The following PALLD variants were observed in gnomAD, a reference collection of about 807,000 sequenced individuals.
The protein encoded by PALLD is palladin.
PALLD carries 61 observed loss-of-function variants against 123.5 expected under a neutral mutation model. The ratio of observed to expected loss-of-function variants is 0.49; its 90% confidence interval spans 0.40 to 0.61. PALLD has a LOEUF of 0.61. Ranked by LOEUF, PALLD falls within the 20% of genes least tolerant of loss-of-function variation. The pLI is 0.00. For missense variants in PALLD, 1,273 were observed against 1,377.0 expected, an observed-to-expected ratio of 0.92 and a Z score of 1.20; for synonymous variants, 465 against 496.4, an observed-to-expected ratio of 0.94 and a Z score of 0.84.
chr4:168,756,709 A>G (rs2150411235), intron 10 of PALLD, among the ~76,000 whole-genome samples: 1 of 152,306 alleles, frequency 6.6e-6, no homozygotes, highest in South Asian at 2.1e-4. Flanking sequence ...GTGTGTTTAT[A>G]CATTTCCATA....
At chr4:168,821,099 C>A (rs1233699655) in intron 10 of PALLD, among the ~76,000 whole-genome samples, 1 of 152,132 alleles carries the variant, frequency 6.6e-6, no homozygotes, top group Non-Finnish European at 1.5e-5. Flanking sequence ...TAAAGATATG[C>A]CCAGAGTAAT....
At chr4:168,673,090 C>T (rs544397742) in intron 3 of PALLD, among the ~76,000 whole-genome samples, 55 of 152,266 alleles carry the variant, frequency 3.6e-4, no homozygotes, top group African/African-American at 1.3e-3. Flanking sequence ...GAGCACTTTT[C>T]GGTCATTCTC....
intron 10 of PALLD, among the ~76,000 whole-genome samples, chr4:168,721,039 A>C (rs1461571164): frequency 6.6e-6 from 1 of 152,170 alleles, no homozygotes; most frequent in East Asian, 1.9e-4. Flanking sequence ...TTTTATGATT[A>C]GGAGTTTTAT....
chr4:168,749,671 T>C (rs922523036), intron 10 of PALLD, among the ~76,000 whole-genome samples: 5 of 152,094 alleles, frequency 3.3e-5, no homozygotes, highest in Non-Finnish European at 5.9e-5. Flanking sequence ...GCCATTTCAC[T>C]CCAGCCTGGG....
intron 10 of PALLD, among the ~76,000 whole-genome samples, chr4:168,848,563 G>C (rs1453553965): frequency 4.6e-5 from 7 of 152,128 alleles, no homozygotes; most frequent in Non-Finnish European, 8.8e-5. Context: ...TACATGAAGG[G>C]AGACACTATT....
intron 2 of PALLD, among the ~76,000 whole-genome samples, chr4:168,651,787 G>T (rs1778070443): frequency 6.6e-6 from 1 of 152,154 alleles, no homozygotes; most frequent in Admixed American, 6.5e-5. Flanking sequence ...GAAGAAAAAT[G>T]AGAGGTTATA....
At chr4:168,743,098 C>T (rs1379349092) in intron 10 of PALLD, among the ~76,000 whole-genome samples, 3 of 152,156 alleles carry the variant, frequency 2.0e-5, no homozygotes, top group Non-Finnish European at 4.4e-5. Flanking sequence ...ATTTCTACTG[C>T]GTGATAACTC....
chr4:168,524,707 G>C lies in PALLD; in HGVS notation c.908+12295G>C, dbSNP rs78997365. Among the ~76,000 whole-genome samples the C allele has an allele frequency of 4.1e-3, 620 of 152,280 alleles. 2 individuals carry two copies. Among genetic ancestry groups the C allele is most frequent in the African/African-American group, 0.014 (585 of 41,558 alleles). ...GAAACACCACCACAGATAGTGAGCA[G>C]TTCTCTAAAAGCAAACCTCATGAAT... On this transcript the variant is annotated intron_variant, in intron 2 of 21. Transcript: ENST00000505667.
chr4:168,796,039 G>C (rs1290956752), intron 10 of PALLD, among the ~76,000 whole-genome samples: 1 of 152,106 alleles, frequency 6.6e-6, no homozygotes, highest in Non-Finnish European at 1.5e-5. Flanking sequence ...TTTATCCTTT[G>C]TGTTACAAAC....
At chr4:168,866,938 CCCAAATCAGAAAGGTCCTCTGT>C (rs1447334688) in intron 10 of PALLD, among the ~76,000 whole-genome samples, 1 of 152,096 alleles carries the variant, frequency 6.6e-6, no homozygotes, top group African/African-American at 2.4e-5. Flanking sequence ...TTGAGTGGAG[CCCAAATCAGAAAGGTCCTCTGT>C]GTCTGAGGAA....
rs116527930 is a variant in PALLD, at chr4:168,639,167, A to G, written c.909-29023A>G. Reference sequence around the variant, plus strand: ...TTAGCATGTTAAAGACAGCCTCTATATTACTTATGAATATCACAGAATGTG... The same window carrying G: ...TTAGCATGTTAAAGACAGCCTCTATGTTACTTATGAATATCACAGAATGTG... On this transcript the variant is annotated intron_variant, in intron 2 of 21. Transcript: ENST00000505667. Among the ~76,000 whole-genome samples, 1,352 of 152,334 alleles carry G rather than the reference A, an allele frequency of 8.9e-3. 12 individuals carry two copies. Among genetic ancestry groups the G allele is most frequent in the Non-Finnish European group, 0.012 (826 of 68,034 alleles).
chr4:168,592,363 G>A (rs770641570), intron 2 of PALLD, among the ~76,000 whole-genome samples: 1 of 152,060 alleles, frequency 6.6e-6, no homozygotes, highest in Non-Finnish European at 1.5e-5. Flanking sequence ...TCATGAGGAA[G>A]AGTCCCAACT....
At chr4:168,597,136 C>T (rs554540854) in intron 2 of PALLD, among the ~76,000 whole-genome samples, 3 of 151,930 alleles carry the variant, frequency 2.0e-5, no homozygotes, top group African/African-American at 7.2e-5. Context: ...ACAACTCTGG[C>T]AAAGATAATG....
intron 10 of PALLD, among the ~76,000 whole-genome samples, chr4:168,782,583 A>G (rs1324734129): frequency 6.6e-6 from 1 of 152,122 alleles, no homozygotes; most frequent in African/African-American, 2.4e-5. Flanking sequence ...TAGACAATGC[A>G]TACAAGAATG....
intron 10 of PALLD, among the ~76,000 whole-genome samples, chr4:168,807,655 C>T (rs1420181565): frequency 6.6e-6 from 1 of 150,564 alleles, no homozygotes; most frequent in Non-Finnish European, 1.5e-5. Context: ...GTGATCCGCC[C>T]ACCTTGGCCT....
At chr4:168,867,920 G>GA (rs953068622) in intron 10 of PALLD, among the ~76,000 whole-genome samples, 13 of 147,322 alleles carry the variant, frequency 8.8e-5, no homozygotes, top group African/African-American at 2.2e-4. Flanking sequence ...AAAAAAAAAA[G>GA]AAAAAAAAAA....
Position 168,590,159 on chromosome 4 carries a change from G to A in PALLD, c.908+77747G>A, listed in dbSNP as rs147481766. Among the ~76,000 whole-genome samples, 734 of 152,310 alleles carry A rather than the reference G, an allele frequency of 4.8e-3. 3 individuals carry two copies. The highest frequency in any genetic ancestry group is 0.015 in the African/African-American group (641 of 41,582). ...TTGAGACCAGCCTGGCCAACATGGC[G>A]AAACCCCGTCTCTACTAAGCATACA... On this transcript the variant is annotated intron_variant, in intron 2 of 21. Coordinates refer to ENST00000505667, the MANE Select transcript of PALLD (RefSeq NM_001166108.2).
intron 3 of PALLD, among the ~76,000 whole-genome samples, chr4:168,671,747 A>G (rs1333798710): frequency 6.6e-6 from 1 of 152,108 alleles, no homozygotes. Flanking sequence ...AAATTTTTAT[A>G]TTTTACTTAT....
intron 10 of PALLD, among the ~76,000 whole-genome samples, chr4:168,740,732 C>T (rs1184478024): frequency 6.6e-6 from 1 of 152,192 alleles, no homozygotes; most frequent in Non-Finnish European, 1.5e-5. Context: ...CAAAAAAACT[C>T]TGCAAGATTA....
Sources: gnomAD v4.1 joint callset for allele counts (sites outside exome capture counted in the v4.1 genomes callset) on GRCh38, gnomAD v4.1.1 for gene constraint, MANE v1.5 for transcripts, NCBI Gene and HGNC (gene_info 2026-07-23, HGNC 2026-07-21) for gene names.